The following CCDC171 variants were observed in gnomAD, a reference collection of about 807,000 sequenced individuals.
CCDC171 encodes coiled-coil domain-containing protein 171.
A neutral mutation model predicts 168.2 loss-of-function variants in CCDC171; 177 were observed. That is an observed-to-expected ratio of 1.05 (90% confidence interval 0.93 to 1.19). The LOEUF (loss-of-function observed/expected upper bound fraction) is 1.19. Among genes scored for constraint, CCDC171 ranks in the 50% most tolerant of loss-of-function variants. The pLI is 0.00. For synonymous variants in CCDC171, 687 were observed against 540.8 expected (o/e 1.27, Z -3.75); for missense variants, 1,991 against 1,539.0 (o/e 1.29, Z -4.91).
At position 15,590,429 on chromosome 9, in the gene CCDC171, G is replaced by A. The variant is rs540024073; in HGVS notation, c.353-937G>A. ...TTCTAGTGAGAATCAGAGAATCAGG[G>A]AGGTTTAATAAGTGGCAGGTGATGG... On this transcript the variant is annotated intron_variant, in intron 4 of 25. Coordinates refer to ENST00000380701, the MANE Select transcript of CCDC171 (RefSeq NM_173550.4). Among the ~76,000 whole-genome samples, 14 of 152,296 alleles carry A rather than the reference G, an allele frequency of 9.2e-5. No individual in the cohort carries two copies. In the South Asian group the frequency reaches 2.9e-3, roughly 32 times the overall value.
chr9:15,673,524 C>G (rs542524161), intron 9 of CCDC171, among the ~76,000 whole-genome samples: 11 of 152,258 alleles, frequency 7.2e-5, no homozygotes, highest in Non-Finnish European at 1.6e-4. Flanking sequence ...TACGTTCCAT[C>G]AATACCTAGT....
At chr9:15,633,452 T>C (rs2045925470) in intron 7 of CCDC171, among the ~76,000 whole-genome samples, 1 of 152,004 alleles carries the variant, frequency 6.6e-6, no homozygotes, top group African/African-American at 2.4e-5. Flanking sequence ...ATCAGAGAAA[T>C]GCAAATCAAA....
At chr9:15,971,336 A>G (rs1283786863) in intron 25 of CCDC171, among the ~76,000 whole-genome samples, 2 of 152,178 alleles carry the variant, frequency 1.3e-5, no homozygotes, top group African/African-American at 2.4e-5. Flanking sequence ...ACTCTCTGAT[A>G]TAATAACTTT....
At chr9:15,691,546 T>TATATATATATAGATATA (rs1554762228) in intron 10 of CCDC171, among the ~76,000 whole-genome samples, 1 of 106,406 alleles carries the variant, frequency 9.4e-6, no homozygotes, top group African/African-American at 3.9e-5. Context: ...TATATGTTTT[T>TATATATATATAGATATA]TATATATATA....
the CCDC171 span, among the ~76,000 whole-genome samples, chr9:16,104,016 T>C: frequency 6.6e-6 from 1 of 152,316 alleles, no homozygotes; most frequent in Non-Finnish European, 1.5e-5. Flanking sequence ...TTTCCTCCCT[T>C]GGCAGAGAGG....
chr9:15,964,276 A>G (rs1418089955), intron 25 of CCDC171, among the ~76,000 whole-genome samples: 3 of 152,212 alleles, frequency 2.0e-5, no homozygotes, highest in African/African-American at 7.2e-5. Flanking sequence ...TAAATTAAGA[A>G]AATTACTTGT....
At chr9:15,668,017 A>G (rs1247059458) in intron 9 of CCDC171, among the ~76,000 whole-genome samples, 1 of 152,218 alleles carries the variant, frequency 6.6e-6, no homozygotes, top group Non-Finnish European at 1.5e-5. Flanking sequence ...TCTGCATATA[A>G]ATCTATTTGA....
chr9:15,682,437 A>G (rs1269512703), intron 10 of CCDC171, among the ~76,000 whole-genome samples: 1 of 152,038 alleles, frequency 6.6e-6, no homozygotes, highest in Non-Finnish European at 1.5e-5. Flanking sequence ...AATATAAACC[A>G]GCTAAATTTA....
intron 7 of CCDC171, among the ~76,000 whole-genome samples, chr9:15,644,764 C>T (rs534119874): frequency 5.8e-4 from 88 of 152,270 alleles, no homozygotes; most frequent in African/African-American, 2.1e-3. Context: ...CTGGGTGGAG[C>T]CCACCGCAGC....
At chr9:15,600,548 TC>T (rs2042760063) in intron 6 of CCDC171, among the ~76,000 whole-genome samples, 1 of 152,100 alleles carries the variant, frequency 6.6e-6, no homozygotes, top group African/African-American at 2.4e-5. Flanking sequence ...CTGCCCCTAC[TC>T]AGGGGTGCCT....
At chr9:16,009,158 C>T (rs1832788438) in intron 3 of CCDC171, among the ~76,000 whole-genome samples, 1 of 152,134 alleles carries the variant, frequency 6.6e-6, no homozygotes, top group Admixed American at 6.5e-5. Context: ...CTCTCTGCTG[C>T]AGAAAATGGA....
chr9:15,885,272 G>A (rs1011425022), intron 24 of CCDC171, among the ~76,000 whole-genome samples: 4 of 152,078 alleles, frequency 2.6e-5, no homozygotes, highest in African/African-American at 7.2e-5. Flanking sequence ...TTACAACTCT[G>A]AGTTCTAGGT....
At chr9:15,797,985 CT>C (rs2058642646) in intron 21 of CCDC171, among the ~76,000 whole-genome samples, 1 of 152,148 alleles carries the variant, frequency 6.6e-6, no homozygotes, top group African/African-American at 2.4e-5. Context: ...GACTCTGTCT[CT>C]GTTTCATTGA....
intron 8 of CCDC171, among the ~76,000 whole-genome samples, chr9:15,662,181 G>A (rs1465054413): frequency 6.6e-6 from 1 of 152,164 alleles, no homozygotes; most frequent in Non-Finnish European, 1.5e-5. Flanking sequence ...GGAGGCTGAG[G>A]CATGAGAATT....
intron 2 of CCDC171, among the ~76,000 whole-genome samples, chr9:15,567,003 C>A (rs967609331): frequency 6.7e-6 from 1 of 149,420 alleles, no homozygotes; most frequent in Non-Finnish European, 1.5e-5. Context: ...AGAGTCTTAA[C>A]TCTGATATAT....
chr9:15,844,889 C>A (rs2060831444), intron 21 of CCDC171, among the ~76,000 whole-genome samples: 1 of 152,066 alleles, frequency 6.6e-6, no homozygotes, highest in Non-Finnish European at 1.5e-5. Context: ...AAGCTTCAGT[C>A]TGGATAAGGT....
chr9:15,906,263 A>AAAAGGATGC (rs1288264563), intron 24 of CCDC171, among the ~76,000 whole-genome samples: 2 of 152,198 alleles, frequency 1.3e-5, no homozygotes, highest in Non-Finnish European at 2.9e-5. Context: ...ACATCGATGC[A>AAAAGGATGC]AAAATCCTCA....
intron 24 of CCDC171, among the ~76,000 whole-genome samples, chr9:15,907,179 A>C (rs1189527467): frequency 6.6e-6 from 1 of 152,208 alleles, no homozygotes; most frequent in Non-Finnish European, 1.5e-5. Context: ...TATGGAACCA[A>C]AAAAGAGCCC....
intron 3 of CCDC171, among the ~76,000 whole-genome samples, chr9:15,982,278 A>G (rs566455688): frequency 2.6e-5 from 4 of 152,322 alleles, no homozygotes; most frequent in Admixed American, 2.6e-4. Flanking sequence ...GGCCCAGCGT[A>G]GTGATGTGAG....
Sources: gnomAD v4.1 joint callset for allele counts (sites outside exome capture counted in the v4.1 genomes callset) on GRCh38, gnomAD v4.1.1 for gene constraint, MANE v1.5 for transcripts, NCBI Gene and HGNC (gene_info 2026-07-23, HGNC 2026-07-21) for gene names.